The following XXYLT1 variants were observed in gnomAD, a reference collection of about 807,000 sequenced individuals.
XXYLT1 encodes xyloside xylosyltransferase 1.
In XXYLT1, 20 loss-of-function variants were observed where a neutral mutation model predicts 28.9. The ratio of observed to expected loss-of-function variants is 0.69; its 90% CI spans 0.49 to 1.00. The LOEUF is 1.00. Ranked by LOEUF, XXYLT1 falls within the 50% of genes least tolerant of loss-of-function variation. XXYLT1 has a pLI of 0.00. For synonymous variants in XXYLT1, 257 were observed against 253.8 expected, an observed-to-expected ratio of 1.01 and a Z score of -0.12; for missense variants, 542 against 560.1, an observed-to-expected ratio of 0.97 and a Z score of 0.33.
intron 1 of XXYLT1, among the ~76,000 whole-genome samples, chr3:195,267,194 G>C (rs1466359283): frequency 6.6e-6 from 1 of 152,246 alleles, no homozygotes; most frequent in African/African-American, 2.4e-5. Flanking sequence ...CCCCGTGCCA[G>C]TTCACTGTGG....
At chr3:195,138,455 C>G (rs1008448583) in intron 3 of XXYLT1, among the ~76,000 whole-genome samples, 1 of 152,138 alleles carries the variant, frequency 6.6e-6, no homozygotes, top group Non-Finnish European at 1.5e-5. Context: ...GTCTGTCCTC[C>G]AAGCCTGAGG....
chr3:195,148,850 T>C (rs1720021882), intron 3 of XXYLT1, among the ~76,000 whole-genome samples: 1 of 152,216 alleles, frequency 6.6e-6, no homozygotes, highest in Non-Finnish European at 1.5e-5. Flanking sequence ...AGATGTGTTT[T>C]TAAGAAACTA....
chr3:195,263,806 C>T (rs1725762629), intron 1 of XXYLT1, among the ~76,000 whole-genome samples: 1 of 152,150 alleles, frequency 6.6e-6, no homozygotes, highest in Non-Finnish European at 1.5e-5. Context: ...AGGGGCAGAT[C>T]ACTGAGAACT....
At chr3:195,157,242 CAAAA>C (rs34312884) in intron 2 of XXYLT1, among the ~76,000 whole-genome samples, 10,676 of 73,480 alleles carry the variant, frequency 0.15, 403 homozygotes, top group East Asian at 0.33. Context: ...GGCGCCATCT[CAAAA>C]AAAAAAAAAA....
At chr3:195,112,470 A>C (rs1717784322) in intron 3 of XXYLT1, among the ~76,000 whole-genome samples, 1 of 146,864 alleles carries the variant, frequency 6.8e-6, no homozygotes. Context: ...GCACACCCAC[A>C]CACATGCACA....
chr3:195,089,235 A>G (rs1389194474), intron 3 of XXYLT1, among the ~76,000 whole-genome samples: 2 of 152,160 alleles, frequency 1.3e-5, no homozygotes, highest in African/African-American at 4.8e-5. Context: ...CAGATTTACC[A>G]AAGTTGAAAT....
intron 2 of XXYLT1, among the ~76,000 whole-genome samples, chr3:195,200,916 G>T (rs1024537359): frequency 1.3e-5 from 2 of 152,132 alleles, no homozygotes; most frequent in Non-Finnish European, 2.9e-5. Context: ...GTTTAGAAGT[G>T]AAGAAAATCA....
chr3:195,260,443 AC>A (rs909166368), intron 1 of XXYLT1, among the ~76,000 whole-genome samples: 1 of 151,234 alleles, frequency 6.6e-6, no homozygotes, highest in African/African-American at 2.4e-5. Flanking sequence ...CGCAACACTG[AC>A]CCCCCTGGGC....
At chr3:195,103,360 ACGCCAGCGGCC>A (rs1329469510) in intron 3 of XXYLT1, among the ~76,000 whole-genome samples, 64 of 141,620 alleles carry the variant, frequency 4.5e-4, no homozygotes, top group African/African-American at 1.2e-3. Context: ...CCATCACCCC[ACGCCAGCGGCC>A]TGCGTCCATC....
chr3:195,247,850 CAGAG>C (rs757450131), intron 1 of XXYLT1: 4 of 700,776 alleles, frequency 5.7e-6, no homozygotes, highest in South Asian at 3.0e-5. Flanking sequence ...TGCAGCAGGA[CAGAG>C]AGAGAGAAGG....
intron 3 of XXYLT1, among the ~76,000 whole-genome samples, chr3:195,147,617 C>T (rs1318331086): frequency 1.3e-5 from 2 of 152,152 alleles, no homozygotes; most frequent in South Asian, 4.1e-4. Flanking sequence ...ACTGTCTTTA[C>T]AAACAAAAAC....
intron 3 of XXYLT1, among the ~76,000 whole-genome samples, chr3:195,121,016 T>A (rs1241648565): frequency 3.3e-5 from 5 of 152,104 alleles, no homozygotes; most frequent in Admixed American, 3.3e-4. Flanking sequence ...GGAGCTAAGA[T>A]TATATAGCTG....
chr3:195,159,085 G>C (rs748478349), intron 2 of XXYLT1, among the ~76,000 whole-genome samples: 1 of 152,138 alleles, frequency 6.6e-6, no homozygotes, highest in Non-Finnish European at 1.5e-5. Context: ...ATAAATGAAC[G>C]AGATAACTGC....
chr3:195,259,517 G>A (rs1725604112), intron 1 of XXYLT1: 1 of 967,690 alleles, frequency 1.0e-6, no homozygotes, highest in African/African-American at 1.8e-5. Context: ...CTGCCAGGCG[G>A]CCCTTCCAGC....
intron 2 of XXYLT1, among the ~76,000 whole-genome samples, chr3:195,194,067 A>G (rs2108755357): frequency 6.6e-6 from 1 of 152,142 alleles, no homozygotes; most frequent in Non-Finnish European, 1.5e-5. Context: ...CTGAACTTCA[A>G]CATTAAAAAT....
At chr3:195,253,465 G>T in intron 1 of XXYLT1, among the ~76,000 whole-genome samples, 1 of 149,188 alleles carries the variant, frequency 6.7e-6, no homozygotes, top group African/African-American at 2.5e-5. Flanking sequence ...AGCCACATCA[G>T]TTCTAAAATC....
At chr3:195,128,495 T>G (rs920604606) in intron 3 of XXYLT1, among the ~76,000 whole-genome samples, 1 of 152,102 alleles carries the variant, frequency 6.6e-6, no homozygotes, top group African/African-American at 2.4e-5. Flanking sequence ...AAAGCACAAA[T>G]GCCTTTGCAT....
rs529234362 is a variant in XXYLT1 at position 195,246,222 on chromosome 3, C to CA, written c.505-19367dup. 2.7e-3 allele frequency among the ~76,000 whole-genome samples: 413 copies of CA among 152,314 alleles called. 3 individuals are homozygous for CA. The Middle Eastern group carries it at 0.048, about 18-fold the overall frequency. On this transcript the variant is annotated intron_variant, in intron 1 of 3. Coordinates refer to ENST00000310380, the MANE Select transcript of XXYLT1 (RefSeq NM_152531.5). Reference sequence around the variant, plus strand: ...TTTGACTCAGGCGCTCCTAACAGAGCAACAATCAAGCATCGGTCCCCAGGA... The same window carrying CA: ...TTTGACTCAGGCGCTCCTAACAGAGCAAACAATCAAGCATCGGTCCCCAGGA...
At chr3:195,226,437 G>A (rs1345536164) in intron 2 of XXYLT1, among the ~76,000 whole-genome samples, 2 of 152,092 alleles carry the variant, frequency 1.3e-5, no homozygotes, top group African/African-American at 2.4e-5. Context: ...GAAAGAAGGG[G>A]GCGAGTGCAA....
Sources: allele counts gnomAD v4.1 joint callset (sites outside exome capture counted in the v4.1 genomes callset), GRCh38; gene constraint gnomAD v4.1.1; transcripts MANE v1.5; gene names NCBI Gene and HGNC (gene_info 2026-07-23, HGNC 2026-07-21).